Variants in SLC41A2 observed in about 807,000 individuals in gnomAD.
SLC41A2 encodes solute carrier family 41 member 2, also known as SLC41A1-like 1.
Under a neutral mutation model 58.3 loss-of-function variants are expected in SLC41A2, and 32 were observed. That is an observed-to-expected ratio of 0.55 (90% CI 0.41 to 0.74). The LOEUF is 0.74. Among genes scored for constraint, SLC41A2 ranks in the 30% least tolerant of loss-of-function variants. The pLI, the probability that SLC41A2 is intolerant of heterozygous loss-of-function variation, is 0.00. For synonymous variants in SLC41A2, 190 were observed against 235.0 expected (o/e 0.81, Z 1.75); for missense variants, 514 against 680.6 (o/e 0.76, Z 2.72).
chr12:104,892,315 ATAAAAT>A (rs1455752909), intron 4 of SLC41A2, among the ~76,000 whole-genome samples: 2,996 of 132,176 alleles, frequency 0.023, 177 homozygotes, highest in East Asian at 0.068. Context: ...ATAAAATAAA[ATAAAAT>A]AAAATAAAAT....
chr12:104,917,642 G>C (rs916462654), intron 2 of SLC41A2, among the ~76,000 whole-genome samples: 2 of 151,614 alleles, frequency 1.3e-5, no homozygotes, highest in African/African-American at 4.9e-5. Context: ...ATACTATGCA[G>C]CCATAAAAAA....
chr12:104,830,909 G>C (rs2042013462), intron 10 of SLC41A2, among the ~76,000 whole-genome samples: 2 of 152,032 alleles, frequency 1.3e-5, no homozygotes, highest in African/African-American at 2.4e-5. Context: ...GCCTATCTTT[G>C]TACTTACATA....
chr12:104,895,302 A>G lies in SLC41A2; in HGVS notation c.707T>C (p.Leu236Pro). The G allele has an allele frequency of 6.2e-7, 1 of 1,613,296 alleles. No individual in the cohort carries two copies. The highest frequency in any genetic ancestry group is 8.5e-7 in the Non-Finnish European group (1 of 1,179,502). Residue 236 changes from leucine (L) to proline (P), a missense_variant, in exon 4 of 11, where the codon CTA (leucine) becomes CCA (proline). This residue lies in a region of SLC41A2 where 336 missense variants were observed against 430.0 expected (regional missense o/e 0.78). Transcript: ENST00000258538. ...KMDSPIEKWN[L>P]IIGNLALKQV... ...CTTTAAAGCCAAGTTGCCAATTATT[A>G]GGTTCCACTTTTCAATGGGTGAATC...
At chr12:104,917,989 T>A (rs936343787) in intron 2 of SLC41A2, among the ~76,000 whole-genome samples, 1 of 147,658 alleles carries the variant, frequency 6.8e-6, no homozygotes, top group Non-Finnish European at 1.5e-5. Context: ...ATAAAATAAA[T>A]ATATATATAA....
At chr12:104,858,213 A>T (rs897615978) in intron 8 of SLC41A2, among the ~76,000 whole-genome samples, 7 of 152,218 alleles carry the variant, frequency 4.6e-5, no homozygotes, top group South Asian at 4.1e-4. Flanking sequence ...AATAAATATT[A>T]AAAAATATCC....
At chr12:104,866,054 A>C (rs2043428284) in intron 7 of SLC41A2, among the ~76,000 whole-genome samples, 1 of 152,154 alleles carries the variant, frequency 6.6e-6, no homozygotes, top group East Asian at 1.9e-4. Flanking sequence ...GCTTTATGAT[A>C]CTCATCTGAG....
chr12:104,861,723 A>G (rs2043218697), intron 7 of SLC41A2, among the ~76,000 whole-genome samples: 1 of 152,186 alleles, frequency 6.6e-6, no homozygotes, highest in African/African-American at 2.4e-5. Flanking sequence ...CGGTCATTTT[A>G]TATCCTTCTG....
chr12:104,873,784 T>C (rs1197482716), intron 6 of SLC41A2, among the ~76,000 whole-genome samples: 1 of 152,192 alleles, frequency 6.6e-6, no homozygotes, highest in Non-Finnish European at 1.5e-5. Flanking sequence ...ATTAGTGACA[T>C]TGAGTACCTT....
intron 6 of SLC41A2, among the ~76,000 whole-genome samples, chr12:104,883,336 T>A (rs2044482894): frequency 6.6e-6 from 1 of 152,232 alleles, no homozygotes; most frequent in Admixed American, 6.5e-5. Flanking sequence ...CTCGTCAAAG[T>A]CATTCTCCAT....
chr12:104,923,716 T>A (rs2046711549), intron 2 of SLC41A2, among the ~76,000 whole-genome samples: 1 of 151,992 alleles, frequency 6.6e-6, no homozygotes, highest in South Asian at 2.1e-4. Flanking sequence ...TTGGAAAACA[T>A]GCAACAAGGA....
chr12:104,946,702 T>G (rs1393028384), intron 1 of SLC41A2, among the ~76,000 whole-genome samples: 1 of 152,260 alleles, frequency 6.6e-6, no homozygotes, highest in African/African-American at 2.4e-5. Context: ...TTGCAATGCT[T>G]TCATTCAATG....
chr12:104,867,649 A>G (rs899975314), intron 6 of SLC41A2, among the ~76,000 whole-genome samples: 2 of 151,368 alleles, frequency 1.3e-5, no homozygotes, highest in Admixed American at 6.6e-5. Flanking sequence ...GTAGGAATAA[A>G]CAATTATTAT....
Position 104,950,413 on chromosome 12 carries a change from A to C in SLC41A2, c.-168+7675T>G, listed in dbSNP as rs186450369. 1.6e-4 allele frequency among the ~76,000 whole-genome samples: 24 copies of C among 152,298 alleles called. No homozygotes were observed. The East Asian group carries it at 3.3e-3, about 21-fold the overall frequency. On this transcript the variant is annotated intron_variant, in intron 1 of 10. Transcript: ENST00000258538. ...TCTCTCTCCTGTTGCCATGTGAAGA[A>C]GGTCTTTGCTTCCCCTTCGCCTTCC...
In SLC41A2 at chr12:104,804,116, C is replaced by G. The variant is rs2040804403; in HGVS notation, c.*1036G>C. 1 of 132,752 alleles carries G rather than the reference C, an allele frequency of 7.5e-6. No individual in the cohort carries two copies. The highest frequency in any genetic ancestry group is 1.5e-5 in the Non-Finnish European group (1 of 65,004). The allele number at this position is 132,752 out of a possible 1,614,324, so 8.2% of individuals were successfully genotyped here. ...CGAGATCACACCACTGCATTCCAGC[C>G]TGGGCGACAGAGCAAGACTCTGTCT... On this transcript the variant is annotated 3_prime_UTR_variant, in exon 11 of 11. Coordinates refer to ENST00000258538, the MANE Select transcript of SLC41A2 (RefSeq NM_001352171.3).
chr12:104,861,363 C>A lies in SLC41A2; in HGVS notation c.1183G>T (p.Gly395Cys). ...GATACAGTTGTGTCCAGAATAAGGC[C>A]CCCAATGCTGAAAGAGATAAAATTA... ...ITAMVISSIG[G>C]LILDTTVSDP... Residue 395 changes from glycine to cysteine, a missense_variant, in exon 8 of 11, where the codon GGC (glycine) becomes TGC (cysteine). Around this residue, in one of 3 missense-constraint regions of SLC41A2, gnomAD observed 50 missense variants for 104.5 expected, o/e 0.48. Transcript: ENST00000258538. The A allele has an allele frequency of 6.2e-7, 1 of 1,611,054 alleles. No homozygotes were observed.
At chr12:104,826,839 A>G (rs2136262932) in intron 10 of SLC41A2, among the ~76,000 whole-genome samples, 1 of 152,350 alleles carries the variant, frequency 6.6e-6, no homozygotes, top group East Asian at 1.9e-4. Flanking sequence ...AACCTGATGG[A>G]CGCTGAGAAG....
intron 10 of SLC41A2, among the ~76,000 whole-genome samples, chr12:104,820,377 C>T (rs983647780): frequency 1.3e-5 from 2 of 152,184 alleles, no homozygotes; most frequent in African/African-American, 2.4e-5. Flanking sequence ...GCAAGAGGAT[C>T]ACCTTAAGCC....
At chr12:104,816,060 G>A (rs181186308) in intron 10 of SLC41A2, among the ~76,000 whole-genome samples, 4 of 152,164 alleles carry the variant, frequency 2.6e-5, no homozygotes, top group Middle Eastern at 3.4e-3. Context: ...GTGGTTGCCC[G>A]GTAACACAGC....
At chr12:104,953,796 A>G (rs79683153) in intron 1 of SLC41A2, among the ~76,000 whole-genome samples, 2,060 of 152,312 alleles carry the variant, frequency 0.014, 53 homozygotes, top group African/African-American at 0.047. Flanking sequence ...TGACTAGAAT[A>G]TGGAGAGAGA....
Sources: gnomAD v4.1 joint callset for allele counts (sites outside exome capture counted in the v4.1 genomes callset) on GRCh38, gnomAD v4.1.1 for gene constraint, gnomAD v4.1.1 regional missense constraint, MANE v1.5 for transcripts, NCBI Gene and HGNC (gene_info 2026-07-23, HGNC 2026-07-21) for gene names.